Variants in FGF5 observed in about 807,000 individuals in gnomAD.
The protein encoded by FGF5 is heparin-binding growth factor 5.
In FGF5, 23 loss-of-function variants were observed where a neutral mutation model predicts 21.8. The ratio of observed to expected loss-of-function variants is 1.05; its 90% CI spans 0.76 to 1.49. The LOEUF is 1.49. FGF5 is among the 40% of genes most tolerant of loss of function. The pLI, the probability that FGF5 is intolerant of heterozygous loss-of-function variation, is 0.00. For synonymous variants in FGF5, 158 were observed against 124.0 expected, an observed-to-expected ratio of 1.27 and a Z score of -1.82; for missense variants, 352 against 332.9, an observed-to-expected ratio of 1.06 and a Z score of -0.45.
At chr4:80,283,857 A>G (rs1229427528) in intron 2 of FGF5, among the ~76,000 whole-genome samples, 1 of 152,042 alleles carries the variant, frequency 6.6e-6, no homozygotes, top group Admixed American at 6.6e-5. Flanking sequence ...AATTCTTGTG[A>G]TCTGTTTATA....
chr4:80,268,558 C>T (rs1413853200), intron 1 of FGF5: 12 of 984,602 alleles, frequency 1.2e-5, no homozygotes, highest in Non-Finnish European at 1.4e-5. Flanking sequence ...GGGTCGGAGG[C>T]GCGCAAGTGG....
At chr4:80,274,697 T>C (rs1318019825) in intron 1 of FGF5, among the ~76,000 whole-genome samples, 1 of 152,156 alleles carries the variant, frequency 6.6e-6, no homozygotes, top group Non-Finnish European at 1.5e-5. Context: ...AATCAAATTT[T>C]TGAATCTTGA....
At position 80,267,076 on chromosome 4, in the gene FGF5, G is replaced by C. The variant is rs1490737637; in HGVS notation, c.252G>C (p.Ser84=). The C allele has an allele frequency of 1.9e-6, 3 of 1,614,084 alleles. No individual in the cohort carries two copies. Among genetic ancestry groups the C allele is most frequent in the Admixed American group, 1.7e-5 (1 of 60,008 alleles). The stretch of plus-strand genomic sequence containing the variant: ...AGAGCAGTTTCCAGTGGAGCCCCTC[G>C]GGGCGCCGGACCGGCAGCCTCTACT... The part of the protein sequence containing the change: ...LEQSSFQWSP[S]GRRTGSLYCR... Residue 84 remains serine, a synonymous_variant, in exon 1 of 3, where the codon TCG becomes TCC. Transcript: ENST00000312465.
upstream of FGF5, chr4:80,266,627 T>C: frequency 1.7e-6 from 1 of 584,796 alleles, no homozygotes; most frequent in Non-Finnish European, 3.0e-6. Context: ...GTGAGATCAC[T>C]GGCGTTATAA....
At chr4:80,271,856 A>AT (rs1325814588) in intron 1 of FGF5, among the ~76,000 whole-genome samples, 10 of 152,198 alleles carry the variant, frequency 6.6e-5, no homozygotes, top group African/African-American at 2.2e-4. Flanking sequence ...GTTTTCAGAA[A>AT]TTTATATATT....
Position 80,290,294 on chromosome 4 carries a change from TA to T in FGF5, c.*3626del, listed in dbSNP as rs1720857281. On this transcript the variant is annotated 3_prime_UTR_variant, in exon 3 of 3. Transcript: ENST00000312465. ...ATCCATTTTAGGTGATAAAATTTTTTAAAAGTTTTGAAGGAAACCTCTGGAT... is the reference window on the plus strand; with the variant it reads ...ATCCATTTTAGGTGATAAAATTTTTTAAAGTTTTGAAGGAAACCTCTGGAT... 2 of 152,224 alleles carry T rather than the reference TA, an allele frequency of 1.3e-5. No individual in the cohort carries two copies. Among genetic ancestry groups the T allele is most frequent in the Non-Finnish European group, 2.9e-5 (2 of 68,038 alleles). 9.4% of individuals were successfully genotyped at this position (152,224 alleles called of 1,614,324 possible).
chr4:80,276,766 T>TA (rs200626494), intron 2 of FGF5, among the ~76,000 whole-genome samples: 33,800 of 139,228 alleles, frequency 0.24, 4,120 homozygotes, highest in East Asian at 0.39. Context: ...GAAAAAAAAG[T>TA]AAAAAAAAAA....
intron 1 of FGF5, among the ~76,000 whole-genome samples, chr4:80,270,504 T>G (rs1720240444): frequency 6.6e-6 from 1 of 152,220 alleles, no homozygotes; most frequent in African/African-American, 2.4e-5. Flanking sequence ...ACACAATAAT[T>G]ATCCCAAGTT....
intron 2 of FGF5, among the ~76,000 whole-genome samples, chr4:80,279,206 C>A (rs539635034): frequency 6.6e-6 from 1 of 152,300 alleles, no homozygotes; most frequent in Non-Finnish European, 1.5e-5. Flanking sequence ...CTAACTGTGT[C>A]ATTTTACTTC....
chr4:80,266,654 G>C, upstream of FGF5: 1 of 600,252 alleles, frequency 1.7e-6, no homozygotes, highest in Non-Finnish European at 2.9e-6. Context: ...CGGTGCCAGC[G>C]CGGAGATCCG....
At chr4:80,272,848 A>T (rs1185576478) in intron 1 of FGF5, among the ~76,000 whole-genome samples, 1 of 152,080 alleles carries the variant, frequency 6.6e-6, no homozygotes, top group Non-Finnish European at 1.5e-5. Flanking sequence ...TTGAATGCAC[A>T]TGTTTACATA....
intron 1 of FGF5, among the ~76,000 whole-genome samples, chr4:80,271,983 G>T (rs1720283492): frequency 6.6e-6 from 1 of 152,306 alleles, no homozygotes; most frequent in East Asian, 1.9e-4. Flanking sequence ...GCAGGAAACT[G>T]AACTGTGAGA....
At chr4:80,284,882 T>C (rs767775659) in intron 2 of FGF5, among the ~76,000 whole-genome samples, 22 of 152,256 alleles carry the variant, frequency 1.4e-4, no homozygotes, top group Admixed American at 6.5e-4. Context: ...TGGTTTGATA[T>C]AGAAGTATGT....
At chr4:80,277,635 G>A (rs901648836) in intron 2 of FGF5, among the ~76,000 whole-genome samples, 4 of 151,792 alleles carry the variant, frequency 2.6e-5, no homozygotes, top group African/African-American at 4.8e-5. Context: ...TGATTTTTAC[G>A]ACTTTACATC....
chr4:80,280,318 A>G (rs17004867), intron 2 of FGF5, among the ~76,000 whole-genome samples: 4,580 of 152,284 alleles, frequency 0.03, 221 homozygotes, highest in African/African-American at 0.1. Flanking sequence ...TAAAAGACCT[A>G]TTTTATTGAG....
At chr4:80,283,945 C>A (rs540520336) in intron 2 of FGF5, among the ~76,000 whole-genome samples, 31 of 152,122 alleles carry the variant, frequency 2.0e-4, no homozygotes, top group African/African-American at 7.2e-4. Flanking sequence ...ATGGGAAAAC[C>A]ATTTTAAGAG....
chr4:80,287,616 T>G lies in FGF5; in HGVS notation c.*944T>G, dbSNP rs1241550868. 6.6e-6 allele frequency: 1 copy of G among 152,204 alleles called. No individual in the cohort carries two copies. Among genetic ancestry groups the G allele is most frequent in the Non-Finnish European group, 1.5e-5 (1 of 68,036 alleles). 9.4% of individuals were successfully genotyped at this position (152,204 alleles called of 1,614,324 possible). On this transcript the variant is annotated 3_prime_UTR_variant, in exon 3 of 3. Transcript: ENST00000312465. ...TGAACAGCTGGAGGAATACATTTTA[T>G]TCTGTCCATGAAGCATACACTATGA...
chr4:80,286,664 T>C lies in FGF5; in HGVS notation c.799T>C (p.Phe267Leu), dbSNP rs759720974. Residue 267 changes from phenylalanine (F) to leucine (L), a missense_variant, in exon 3 of 3, where the codon TTT (phenylalanine) becomes CTT (leucine). Transcript: ENST00000312465. Reference protein sequence around the residue: ...NSVKYRLKFRFG With the variant: ...NSVKYRLKFRLG Reference sequence around the variant, plus strand: ...AGTGAAATACAGACTCAAGTTTCGCTTTGGATAATATTCCTCTTGGCCTTG... The same window carrying C: ...AGTGAAATACAGACTCAAGTTTCGCCTTGGATAATATTCCTCTTGGCCTTG... 2.8e-5 allele frequency: 45 copies of C among 1,612,920 alleles called. No homozygotes were observed. Among genetic ancestry groups the C allele is most frequent in the Non-Finnish European group, 3.6e-5 (42 of 1,179,322 alleles).
Position 80,286,594 on chromosome 4 carries a change from C to CT in FGF5, c.729_730insT (p.Lys244Ter), listed in dbSNP as rs1560502769. 2 of 1,614,070 alleles carry CT rather than the reference C, an allele frequency of 1.2e-6. No homozygotes were observed. The highest frequency in any genetic ancestry group is 1.7e-6 in the Non-Finnish European group (2 of 1,179,968). ...AAAAGAAAAAGCCACCTAGCCCTATCAAGCCAAAGATTCCCCTTTCTGCAC... is the reference window on the plus strand; with the variant it reads ...AAAAGAAAAAGCCACCTAGCCCTATCTAAGCCAAAGATTCCCCTTTCTGCAC... On this transcript the variant is annotated frameshift_variant, in exon 3 of 3. Transcript: ENST00000312465. LOFTEE classifies it high-confidence loss of function.
Sources: allele counts gnomAD v4.1 joint callset (sites outside exome capture counted in the v4.1 genomes callset), GRCh38; gene constraint gnomAD v4.1.1; transcripts MANE v1.5; gene names NCBI Gene and HGNC (gene_info 2026-07-23, HGNC 2026-07-21).